The following ADGRE3 variants were observed in gnomAD, a reference collection of about 807,000 sequenced individuals.
ADGRE3 encodes the protein adhesion G protein-coupled receptor E3.
Under a neutral mutation model 80.1 loss-of-function variants are expected in ADGRE3, and 88 were observed. The observed-to-expected ratio is 1.10, with a 90% CI of 0.93 to 1.31. The LOEUF is 1.31. Among genes scored for constraint, ADGRE3 ranks in the 40% most tolerant of loss-of-function variants. ADGRE3 has a pLI of 0.00. For synonymous variants in ADGRE3, 281 were observed against 294.8 expected (o/e 0.95, Z 0.48); for missense variants, 715 against 776.5 (o/e 0.92, Z 0.94).
At chr19:14,620,018 T>C (rs1481414179) in intron 15 of ADGRE3, among the ~76,000 whole-genome samples, 3 of 152,184 alleles carry the variant, frequency 2.0e-5, no homozygotes, top group East Asian at 1.9e-4. Flanking sequence ...GGTTCATTCA[T>C]AGAATTTCCC....
At chr19:14,650,408 GTCCCCATCTCTCTCTTTCCATCGCTC>G (rs1362984816) in intron 7 of ADGRE3, among the ~76,000 whole-genome samples, 7 of 90,286 alleles carry the variant, frequency 7.8e-5, no homozygotes, top group Non-Finnish European at 6.9e-5. Flanking sequence ...TTCCATCGCT[GTCCCCATCTCTCTCTTTCCATCGCTC>G]TCCCCATCTC....
rs780474013 is a variant in ADGRE3 at position 14,644,220 on chromosome 19, C to A, written c.938G>T (p.Gly313Val). The change falls in exon 9 of 16, where the codon GGC becomes GTC. Residue 313 changes from glycine (G) to valine (V), a missense_variant. Physicochemically the swap from Gly to Val is moderately radical, Grantham distance 109. Transcript: ENST00000253673. ...FCVYWKSTGQGSQWSRDGCFL... is the reference protein window; with the variant it reads ...FCVYWKSTGQVSQWSRDGCFL... ...GCAGCCATCCCTGGACCACTGGCTG[C>A]CCTGCCCTGTGCTCTTCCAGTAGAC... 3.7e-6 allele frequency: 6 copies of A among 1,605,452 alleles called. No homozygotes were observed. The African/African-American group carries it at 8.1e-5, about 22-fold the overall frequency.
In ADGRE3 at chr19:14,651,635, C is replaced by T. The variant is rs547750200; in HGVS notation, c.578-431G>A. On this transcript the variant is annotated intron_variant, in intron 6 of 15. Coordinates refer to ENST00000253673, the MANE Select transcript of ADGRE3 (RefSeq NM_032571.5). ...TTTCTAGGAGTTTATTCTCAGAAAA[C>T]GATTGTGGATGGAGGGCAGATTTAG... 3.3e-5 allele frequency among the ~76,000 whole-genome samples: 5 copies of T among 152,126 alleles called. No individual in the cohort carries two copies. The South Asian group carries it at 6.2e-4, about 19-fold the overall frequency.
downstream of ADGRE3, among the ~76,000 whole-genome samples, chr19:14,615,764 A>T: frequency 6.6e-6 from 1 of 151,752 alleles, no homozygotes; most frequent in East Asian, 1.9e-4. Context: ...TGCTAAAAAA[A>T]AAAAAAAATT....
At chr19:14,620,458 A>ATC in intron 15 of ADGRE3, among the ~76,000 whole-genome samples, 1 of 139,934 alleles carries the variant, frequency 7.1e-6, no homozygotes, top group Non-Finnish European at 1.5e-5. Context: ...GTATATATGA[A>ATC]TATATGAATA....
At chr19:14,629,976 C>T in intron 14 of ADGRE3, 63 bp downstream of exon 14, 1 of 1,110,112 alleles carries the variant, frequency 9.0e-7, no homozygotes, top group Non-Finnish European at 1.3e-6. Context: ...CTTAAATCCC[C>T]ATTGAACTCC....
intron 11 of ADGRE3, among the ~76,000 whole-genome samples, chr19:14,637,324 A>T (rs987234283): frequency 6.8e-6 from 1 of 147,870 alleles, no homozygotes; most frequent in Non-Finnish European, 1.5e-5. Context: ...CCAGTCCCGA[A>T]CTCCTTGAGG....
At chr19:14,665,978 A>ATATG (rs1568500899) in intron 2 of ADGRE3, among the ~76,000 whole-genome samples, 6 of 128,248 alleles carry the variant, frequency 4.7e-5, no homozygotes, top group African/African-American at 1.7e-4. Flanking sequence ...ATATATATAT[A>ATATG]GTGTTTTCTT....
downstream of ADGRE3, among the ~76,000 whole-genome samples, chr19:14,614,970 C>T (rs940750901): frequency 6.6e-6 from 1 of 151,246 alleles, no homozygotes; most frequent in Admixed American, 6.6e-5. Flanking sequence ...ATTGTGGCCT[C>T]AACCTCCTGG....
chr19:14,651,756 T>C (rs112605063), intron 6 of ADGRE3, among the ~76,000 whole-genome samples: 113 of 152,244 alleles, frequency 7.4e-4, no homozygotes, highest in African/African-American at 2.6e-3. Context: ...TAAGTGATGA[T>C]ATGGGCTGGG....
In ADGRE3 at chr19:14,619,413, T is replaced by G. The variant is rs758616661; in HGVS notation, c.*20A>C. 1.3e-6 allele frequency: 2 copies of G among 1,515,766 alleles called. No individual in the cohort carries two copies. The highest frequency in any genetic ancestry group is 2.7e-5 in the African/African-American group (2 of 72,922). 93.9% of individuals were successfully genotyped at this position (1,515,766 alleles called of 1,614,324 possible). A position where few individuals can be genotyped will look rare whatever the true frequency, so the allele number is the denominator to read the frequency against. On this transcript the variant is annotated 3_prime_UTR_variant, in exon 16 of 16. Transcript: ENST00000253673. ...AGATCCATGGATATGATTTTCCATA[T>G]GGAGTTGAATATTCTAGTTTTAATA...
intron 4 of ADGRE3, among the ~76,000 whole-genome samples, chr19:14,660,154 A>G (rs1426673597): frequency 6.6e-6 from 1 of 152,034 alleles, no homozygotes; most frequent in Non-Finnish European, 1.5e-5. Context: ...GTAATAACGA[A>G]CCCCAAATGG....
chr19:14,608,168 G>A, the ADGRE3 span, among the ~76,000 whole-genome samples: 1 of 152,110 alleles, frequency 6.6e-6, no homozygotes, highest in Non-Finnish European at 1.5e-5. Context: ...CACCACACCT[G>A]GCCTCTACTA....
chr19:14,620,466 A>ATATATATG (rs1970525070), intron 15 of ADGRE3, among the ~76,000 whole-genome samples: 19 of 30,966 alleles, frequency 6.1e-4, no homozygotes, highest in South Asian at 1.2e-3. Flanking sequence ...GAATATATGA[A>ATATATATG]TATATTATGA....
At chr19:14,635,628 G>A (rs1296421431) in intron 11 of ADGRE3, among the ~76,000 whole-genome samples, 1 of 151,598 alleles carries the variant, frequency 6.6e-6, no homozygotes, top group Non-Finnish European at 1.5e-5. Flanking sequence ...GGCCAGGCTG[G>A]TCTTGAACTC....
In ADGRE3 at chr19:14,654,961, CA is replaced by C. The variant is rs753219921; in HGVS notation, c.577+20del. 1 of 1,606,424 alleles carries C rather than the reference CA, an allele frequency of 6.2e-7. No homozygotes were observed. On this transcript the variant is annotated intron_variant, in intron 6 of 15. Coordinates refer to ENST00000253673, the MANE Select transcript of ADGRE3 (RefSeq NM_032571.5). ...CTGCTAACCAGTCCCCAGGGTGTATCAGTCCTCATTATTGTCTTACCTACAC... is the reference window on the plus strand; with the variant it reads ...CTGCTAACCAGTCCCCAGGGTGTATCGTCCTCATTATTGTCTTACCTACAC...
chr19:14,647,310 T>G lies in ADGRE3; in HGVS notation c.753A>C (p.Ala251=). The G allele has an allele frequency of 6.2e-7, 1 of 1,613,416 alleles. No individual in the cohort carries two copies. Among genetic ancestry groups the G allele is most frequent in the Non-Finnish European group, 8.5e-7 (1 of 1,179,344 alleles). ...SYSSLGNIIN[A]TFFEEMDKKD... is the part of the protein sequence containing the mutation. ...TCTTATCCATCTCTTCAAAAAAAGT[T>G]GCATTTATGATGTTTCCAAGAGAAG... Residue 251 remains alanine (A), a synonymous_variant, in exon 8 of 16, where the codon GCA becomes GCC. Transcript: ENST00000253673.
At chr19:14,654,177 T>A (rs1029398348) in intron 6 of ADGRE3, among the ~76,000 whole-genome samples, 1 of 151,934 alleles carries the variant, frequency 6.6e-6, no homozygotes, top group Non-Finnish European at 1.5e-5. Context: ...GATCTCAAAC[T>A]ACTGGCCTCA....
intron 4 of ADGRE3, among the ~76,000 whole-genome samples, chr19:14,661,365 T>G (rs1360399802): frequency 6.6e-6 from 1 of 152,186 alleles, no homozygotes; most frequent in African/African-American, 2.4e-5. Flanking sequence ...CCTGGGGGTG[T>G]TGAGTTCCCA....
Sources: allele counts gnomAD v4.1 joint callset (sites outside exome capture counted in the v4.1 genomes callset), GRCh38; gene constraint gnomAD v4.1.1; transcripts MANE v1.5; gene names NCBI Gene and HGNC (gene_info 2026-07-23, HGNC 2026-07-21).